The following LOC128462377 variants were observed in gnomAD, a reference collection of about 807,000 sequenced individuals.
the LOC128462377 span, among the ~76,000 whole-genome samples, chr16:89,379,304 C>A: frequency 6.6e-6 from 1 of 152,234 alleles, no homozygotes; most frequent in South Asian, 2.1e-4. Context: ...GTGCCAGTTC[C>A]TAAGTGGAAC....
chr16:89,323,244 AG>A, the LOC128462377 span: 1 of 1,225,796 alleles, frequency 8.2e-7, no homozygotes, highest in African/African-American at 1.6e-5. Context: ...AAAGGAGAAA[AG>A]GAAAAAGAGC....
the LOC128462377 span, among the ~76,000 whole-genome samples, chr16:89,384,617 G>T: frequency 6.6e-6 from 1 of 152,172 alleles, no homozygotes; most frequent in African/African-American, 2.4e-5. Context: ...GCTTCTGCAG[G>T]AAGGAGCCTC....
the LOC128462377 span, among the ~76,000 whole-genome samples, chr16:89,357,922 A>G: frequency 6.6e-6 from 1 of 152,238 alleles, no homozygotes; most frequent in African/African-American, 2.4e-5. Context: ...CTGGGATGAA[A>G]GTAATGAAAA....
the LOC128462377 span, among the ~76,000 whole-genome samples, chr16:89,336,933 G>C: frequency 6.7e-6 from 1 of 149,866 alleles, no homozygotes; most frequent in African/African-American, 2.5e-5. Context: ...ACTTTAGGAG[G>C]CCGAGACAGG....
the LOC128462377 span, among the ~76,000 whole-genome samples, chr16:89,330,505 G>T: frequency 8.7e-4 from 133 of 152,216 alleles, no homozygotes; most frequent in African/African-American, 3.0e-3. Context: ...GCTACGTGAG[G>T]GTCCCCGTGA....
At chr16:89,415,850 A>AAAAAAAAAAAAAAAAAAAAAAAAAC in the LOC128462377 span, among the ~76,000 whole-genome samples, 1 of 147,384 alleles carries the variant, frequency 6.8e-6, no homozygotes, top group African/African-American at 2.5e-5. Context: ...AAAAAAAAAA[A>AAAAAAAAAAAAAAAAAAAAAAAAAC]CAATGGAGAA....
At chr16:89,350,100 A>T in the LOC128462377 span, among the ~76,000 whole-genome samples, 1 of 152,206 alleles carries the variant, frequency 6.6e-6, no homozygotes, top group East Asian at 1.9e-4. Flanking sequence ...TGAAAAGACA[A>T]GCAACATCAT....
the LOC128462377 span, among the ~76,000 whole-genome samples, chr16:89,352,376 C>G: frequency 2.0e-5 from 3 of 151,498 alleles, no homozygotes; most frequent in Non-Finnish European, 4.4e-5. Flanking sequence ...TCAAGGCAGC[C>G]CCCCAAGAAA....
chr16:89,405,995 G>A, the LOC128462377 span, among the ~76,000 whole-genome samples: 3 of 151,742 alleles, frequency 2.0e-5, no homozygotes, highest in East Asian at 1.9e-4. Context: ...CTGCAATCTC[G>A]GCTACTCAGG....
chr16:89,409,389 C>A, the LOC128462377 span, among the ~76,000 whole-genome samples: 3 of 152,222 alleles, frequency 2.0e-5, no homozygotes, highest in South Asian at 6.2e-4. Flanking sequence ...CGGTCCCCAT[C>A]CTCAGGCCAT....
chr16:89,404,836 G>A, the LOC128462377 span, among the ~76,000 whole-genome samples: 8 of 152,228 alleles, frequency 5.3e-5, no homozygotes, highest in Admixed American at 2.0e-4. Context: ...GACGCTGAAT[G>A]TACTACACAA....
At chr16:89,404,394 C>G in the LOC128462377 span, among the ~76,000 whole-genome samples, 1 of 152,192 alleles carries the variant, frequency 6.6e-6, no homozygotes, top group Non-Finnish European at 1.5e-5. Flanking sequence ...TCACTGAAAA[C>G]ACTGAAAAGG....
chr16:89,330,167 A>C, the LOC128462377 span, among the ~76,000 whole-genome samples: 1 of 152,178 alleles, frequency 6.6e-6, no homozygotes, highest in Non-Finnish European at 1.5e-5. Flanking sequence ...TACAAAAAGC[A>C]ATCTCTACAA....
chr16:89,349,134 T>TAA, the LOC128462377 span, among the ~76,000 whole-genome samples: 275 of 16,562 alleles, frequency 0.017, 29 homozygotes, highest in South Asian at 0.066. Context: ...TCTCAAAAAG[T>TAA]AAAAAAAAAA....
chr16:89,328,309 C>T, the LOC128462377 span, among the ~76,000 whole-genome samples: 3 of 152,166 alleles, frequency 2.0e-5, no homozygotes, highest in African/African-American at 4.8e-5. Context: ...CCTAAGTGTG[C>T]GCTTGCTGCC....
the LOC128462377 span, among the ~76,000 whole-genome samples, chr16:89,388,882 G>A: frequency 6.6e-6 from 1 of 152,190 alleles, no homozygotes; most frequent in Admixed American, 6.5e-5. Flanking sequence ...AATCCTAAAA[G>A]CAACAGCTGA....
the LOC128462377 span, among the ~76,000 whole-genome samples, chr16:89,369,107 T>C: frequency 1.3e-5 from 2 of 152,218 alleles, no homozygotes; most frequent in Middle Eastern, 3.4e-3. Flanking sequence ...TACCAAGCTC[T>C]GGCCTGACAA....
At chr16:89,409,400 TC>T in the LOC128462377 span, among the ~76,000 whole-genome samples, 1 of 152,224 alleles carries the variant, frequency 6.6e-6, no homozygotes, top group Admixed American at 6.5e-5. Context: ...CTCAGGCCAT[TC>T]TTCCTCCGTG....
chr16:89,415,817 T>A, the LOC128462377 span, among the ~76,000 whole-genome samples: 2 of 49,496 alleles, frequency 4.0e-5, no homozygotes, highest in Admixed American at 2.4e-4. Flanking sequence ...ACAACAAAGC[T>A]AGACTCTGTC....
Sources: gnomAD v4.1 joint callset for allele counts (sites outside exome capture counted in the v4.1 genomes callset) on GRCh38, gnomAD v4.1.1 for gene constraint, MANE v1.5 for transcripts.